Variants in NABP1 observed in about 807,000 individuals in gnomAD.
NABP1 encodes nucleic acid binding protein 1, also known as SOSS complex subunit B2.
In NABP1, 18 loss-of-function variants were observed where a neutral mutation model predicts 25.0. That is an observed-to-expected ratio of 0.72 (90% confidence interval 0.50 to 1.07). The LOEUF (loss-of-function observed/expected upper bound fraction) is 1.07, where lower values mean the gene tolerates loss of function less well. Ranked by LOEUF, NABP1 falls within the 50% of genes least tolerant of loss-of-function variation. NABP1 has a pLI of 0.00. For synonymous variants in NABP1, 71 were observed against 85.0 expected (o/e 0.84, Z 0.91); for missense variants, 270 against 255.6 (o/e 1.06, Z -0.39).
intron 1 of NABP1, 53 bp from the exon 2 acceptor site, chr2:191,678,936 CT>C (rs1296416665): frequency 6.2e-7 from 1 of 1,612,394 alleles, no homozygotes; most frequent in Non-Finnish European, 8.5e-7. Context: ...GTTAGCCTTT[CT>C]GGATGTCCTC....
At chr2:191,684,654 T>C (rs1687770865) in intron 5 of NABP1, among the ~76,000 whole-genome samples, 1 of 152,176 alleles carries the variant, frequency 6.6e-6, no homozygotes, top group South Asian at 2.1e-4. Context: ...ATTTTTCACA[T>C]ACAAGTAGCT....
intron 2 of NABP1, among the ~76,000 whole-genome samples, 199 bp from the exon 3 acceptor site, chr2:191,681,747 C>T (rs1574136968): frequency 6.6e-6 from 1 of 151,902 alleles, no homozygotes; most frequent in African/African-American, 2.4e-5. Flanking sequence ...TGTCAAAATT[C>T]GACAGAATTT....
rs1319047624 is a variant in NABP1 at position 191,678,150 on chromosome 2, A to T, written c.-465A>T. 3 of 152,478 alleles carry T rather than the reference A, an allele frequency of 2.0e-5. No homozygotes were observed. Among genetic ancestry groups the T allele is most frequent in the Non-Finnish European group, 4.4e-5 (3 of 68,234 alleles). 9.4% of individuals were successfully genotyped at this position (152,478 alleles called of 1,614,324 possible). The stretch of plus-strand genomic sequence containing the variant: ...GCGTGTTCATCAGTCGCTGTTTGGG[A>T]CGCTGGGTGTGCGGTGTTCTGTCTC... On this transcript the variant is annotated 5_prime_UTR_variant, in exon 1 of 6. Transcript: ENST00000425611.
chr2:191,685,554 A>G, intron 5 of NABP1, 45 bp from the exon 6 acceptor site: 1 of 1,535,496 alleles, frequency 6.5e-7, no homozygotes, highest in Non-Finnish European at 8.9e-7. Flanking sequence ...CTACTTCTAT[A>G]GACTACCTCT....
intron 2 of NABP1, among the ~76,000 whole-genome samples, chr2:191,679,915 T>C (rs1558985540): frequency 6.6e-6 from 1 of 152,196 alleles, no homozygotes; most frequent in Non-Finnish European, 1.5e-5. Flanking sequence ...ATGTCAAATT[T>C]GTACTTGGAA....
Position 191,678,325 on chromosome 2 carries a change from C to A in NABP1, c.-290C>A. On this transcript the variant is annotated 5_prime_UTR_variant, in exon 1 of 6. Transcript: ENST00000425611. ...TCCAAAGAACGGGGCAGTTAGTACG[C>A]TTGCCTTCCTGTCGCCCGGTTGGGA... is the stretch of plus-strand genomic sequence containing the variant. The A allele has an allele frequency of 3.9e-6, 1 of 255,262 alleles. No homozygotes were observed. 15.8% of individuals were successfully genotyped at this position (255,262 alleles called of 1,614,324 possible).
In NABP1 at chr2:191,678,427, T is replaced by A; in HGVS notation, c.-188T>A. ...CCTTTTTTTTTTTTTTTTTTTTTTT[T>A]CTTTTTTTAGGCTCAGTGCTGTCCG... On this transcript the variant is annotated 5_prime_UTR_variant, in exon 1 of 6. Transcript: ENST00000425611. The A allele has an allele frequency of 1.2e-5, 3 of 259,574 alleles. No homozygotes were observed. The highest frequency in any genetic ancestry group is 6.1e-5 in the East Asian group (1 of 16,510). 16.1% of individuals were successfully genotyped at this position (259,574 alleles called of 1,614,324 possible).
chr2:191,685,497 C>G, intron 5 of NABP1, 102 bp from the exon 6 acceptor site: 1 of 1,022,692 alleles, frequency 9.8e-7, no homozygotes, highest in Non-Finnish European at 1.4e-6. Context: ...AAAGTGTGTG[C>G]TTTAATATTT....
chr2:191,679,256 C>T lies in NABP1; in HGVS notation c.230+128C>T. ...GCCACTCTTGAGGAGTTTTGAACTC[C>T]TTTGGTGTTAACTTTGGGTGGTGGG... is the stretch of plus-strand genomic sequence containing the variant. On this transcript the variant is annotated intron_variant, in intron 2 of 5. Transcript: ENST00000425611. 3 of 1,129,270 alleles carry T rather than the reference C, an allele frequency of 2.7e-6. No homozygotes were observed. The South Asian group carries it at 4.5e-5, about 17-fold the overall frequency. The allele number at this position is 1,129,270 out of a possible 1,614,324, so 70.0% of individuals were successfully genotyped here.
Position 191,684,315 on chromosome 2 carries a change from G to A in NABP1, c.445+19G>A. The stretch of plus-strand genomic sequence containing the variant: ...CCAGTGGGTAAGATTTTGTTTGTGT[G>A]TTTCATTTGTGATCAGGTATAAGAA... On this transcript the variant is annotated intron_variant, in intron 5 of 5. Transcript: ENST00000425611. The A allele has an allele frequency of 6.7e-7, 1 of 1,488,968 alleles. No individual in the cohort carries two copies. The highest frequency in any genetic ancestry group is 2.6e-5 in the East Asian group (1 of 38,284). The allele number at this position is 1,488,968 out of a possible 1,614,324, so 92.2% of individuals were successfully genotyped here.
At position 191,683,497 on chromosome 2, in the gene NABP1, A is replaced by T. The variant is rs1202403594; in HGVS notation, c.303-232A>T. 1 of 393,946 alleles carries T rather than the reference A, an allele frequency of 2.5e-6. No individual in the cohort carries two copies. The highest frequency in any genetic ancestry group is 4.5e-6 in the Non-Finnish European group (1 of 220,578). The allele number at this position is 393,946 out of a possible 1,614,324, so 24.4% of individuals were successfully genotyped here. A position where few individuals can be genotyped will look rare whatever the true frequency, so the allele number is the denominator to read the frequency against. ...TGATGTGATTTTTTTTTCAGCACTA[A>T]AGAAGAATTTAAATACAAAATAGAA... On this transcript the variant is annotated intron_variant, in intron 3 of 5. Coordinates refer to ENST00000425611, the MANE Select transcript of NABP1 (RefSeq NM_001031716.5). This position sits in a 1 kb window ranked among gnomAD's most constrained non-coding sequence, Gnocchi z 4.1.
Position 191,681,933 on chromosome 2 carries a change from C to G in NABP1, c.231-13C>G, listed in dbSNP as rs758415222. ...ATATATTTCTAAAGAATTAATGTTTCTTTTCTCTCTAGGTATGCATCCATG... is the reference window on the plus strand; with the variant it reads ...ATATATTTCTAAAGAATTAATGTTTGTTTTCTCTCTAGGTATGCATCCATG... On this transcript the variant is annotated splice_polypyrimidine_tract_variant and intron_variant, in intron 2 of 5. Transcript: ENST00000425611. 6.8e-7 allele frequency: 1 copy of G among 1,477,344 alleles called. No individual in the cohort carries two copies. The highest frequency in any genetic ancestry group is 9.0e-7 in the Non-Finnish European group (1 of 1,105,724). 91.5% of individuals were successfully genotyped at this position (1,477,344 alleles called of 1,614,324 possible).
chr2:191,684,668 G>T (rs949657203), intron 5 of NABP1, among the ~76,000 whole-genome samples: 2 of 152,110 alleles, frequency 1.3e-5, no homozygotes, highest in Non-Finnish European at 2.9e-5. Flanking sequence ...AGTAGCTGCT[G>T]CTTTAAAAGA....
chr2:191,681,200 T>C (rs1687676668), intron 2 of NABP1, among the ~76,000 whole-genome samples: 1 of 152,160 alleles, frequency 6.6e-6, no homozygotes, highest in Non-Finnish European at 1.5e-5. Flanking sequence ...TAAAGAGAAC[T>C]GTATAGTAAG....
Position 191,678,435 on chromosome 2 carries a change from T to TTTTGGGG in NABP1, c.-180_-179insTTTGGGG. 1 of 351,642 alleles carries TTTTGGGG rather than the reference T, an allele frequency of 2.8e-6. No homozygotes were observed. The highest frequency in any genetic ancestry group is 5.0e-6 in the Non-Finnish European group (1 of 199,096). 21.8% of individuals were successfully genotyped at this position (351,642 alleles called of 1,614,324 possible). A position where few individuals can be genotyped will look rare whatever the true frequency, so the allele number is the denominator to read the frequency against. The stretch of plus-strand genomic sequence containing the variant: ...TTTTTTTTTTTTTTTTTTCTTTTTT[T>TTTTGGGG]AGGCTCAGTGCTGTCCGGGCTGGTT... On this transcript the variant is annotated 5_prime_UTR_variant, in exon 1 of 6. Transcript: ENST00000425611.
intron 2 of NABP1, 114 bp from the exon 3 acceptor site, chr2:191,681,832 G>A: frequency 1.9e-6 from 1 of 526,576 alleles, no homozygotes; most frequent in African/African-American, 2.0e-5. Context: ...GATAGAGAGG[G>A]CTTGATCCTC....
intron 5 of NABP1, among the ~76,000 whole-genome samples, chr2:191,684,700 T>A (rs573855947): frequency 6.6e-6 from 1 of 152,216 alleles, no homozygotes. Context: ...GTTTAAAGGC[T>A]AGTGACCCTC....
Position 191,683,488 on chromosome 2 carries a change from T to C in NABP1, c.303-241T>C. ...CTTGATTTTTGATGTGATTTTTTTT[T>C]CAGCACTAAAGAAGAATTTAAATAC... is the stretch of plus-strand genomic sequence containing the variant. On this transcript the variant is annotated intron_variant, in intron 3 of 5. Coordinates refer to ENST00000425611, the MANE Select transcript of NABP1 (RefSeq NM_001031716.5). This position sits in a 1 kb window ranked among gnomAD's most constrained non-coding sequence, Gnocchi z 4.1. 1 of 378,380 alleles carries C rather than the reference T, an allele frequency of 2.6e-6. No homozygotes were observed. The highest frequency in any genetic ancestry group is 2.2e-5 in the African/African-American group (1 of 46,010). 23.4% of individuals were successfully genotyped at this position (378,380 alleles called of 1,614,324 possible).
chr2:191,681,463 C>A (rs1687683752), intron 2 of NABP1, among the ~76,000 whole-genome samples: 1 of 151,964 alleles, frequency 6.6e-6, no homozygotes, highest in African/African-American at 2.4e-5. Context: ...TTTTTTTTAG[C>A]ACTTTGAAAT....
Sources: allele counts gnomAD v4.1 joint callset (sites outside exome capture counted in the v4.1 genomes callset), GRCh38; gene constraint gnomAD v4.1.1; non-coding constraint Gnocchi (gnomAD v3.1); transcripts MANE v1.5; gene names NCBI Gene and HGNC (gene_info 2026-07-23, HGNC 2026-07-21).